PRKG1: variants seen among roughly 807,000 people sequenced by gnomAD.
The protein encoded by PRKG1 is protein kinase cGMP-dependent 1.
Under a neutral mutation model 88.1 loss-of-function variants are expected in PRKG1, and 35 were observed. The ratio of observed to expected loss-of-function variants is 0.40; its 90% CI spans 0.30 to 0.53. PRKG1 has a LOEUF of 0.53. PRKG1 is among the 20% of genes least tolerant of loss of function. The pLI is 0.59. For missense variants in PRKG1, 540 were observed against 839.8 expected (o/e 0.64, Z 4.41); for synonymous variants, 303 against 292.5 (o/e 1.04, Z -0.37).
chr10:51,533,308 A>G (rs375905466), intron 3 of PRKG1, among the ~76,000 whole-genome samples: 5 of 152,228 alleles, frequency 3.3e-5, no homozygotes, highest in East Asian at 3.8e-4. Flanking sequence ...TACATCTGTT[A>G]TAGCCACAGA....
chr10:51,777,295 T>G (rs77359307), intron 3 of PRKG1, among the ~76,000 whole-genome samples: 4,169 of 152,172 alleles, frequency 0.027, 174 homozygotes, highest in African/African-American at 0.094. Context: ...GACATTCAGA[T>G]TGGTTATAAA....
At chr10:52,171,546 A>C (rs188134990) in intron 9 of PRKG1, among the ~76,000 whole-genome samples, 81 of 152,250 alleles carry the variant, frequency 5.3e-4, no homozygotes, top group South Asian at 6.2e-4. Flanking sequence ...CAGTCTTTCA[A>C]GAGCTGTTTT....
At chr10:52,145,726 G>T (rs548430304) in intron 8 of PRKG1, among the ~76,000 whole-genome samples, 30 of 152,250 alleles carry the variant, frequency 2.0e-4, no homozygotes, top group Admixed American at 8.5e-4. Flanking sequence ...ACACTTGCCT[G>T]GTGAGACAGT....
At chr10:52,066,823 C>T (rs1019491171) in intron 7 of PRKG1, among the ~76,000 whole-genome samples, 5 of 152,198 alleles carry the variant, frequency 3.3e-5, no homozygotes, top group African/African-American at 1.2e-4. Flanking sequence ...ACCATTTCTG[C>T]AAACTCTTTG....
chr10:51,396,753 A>C (rs560866246), intron 2 of PRKG1, among the ~76,000 whole-genome samples: 25 of 152,372 alleles, frequency 1.6e-4, no homozygotes, highest in African/African-American at 5.8e-4. Context: ...TTTGCAAATT[A>C]TAGTATTTTC....
At chr10:51,641,043 A>G (rs1377374869) in intron 3 of PRKG1, among the ~76,000 whole-genome samples, 1 of 134,836 alleles carries the variant, frequency 7.4e-6, no homozygotes, top group African/African-American at 2.5e-5. Context: ...TAGATAAAGA[A>G]ACAAATATAA....
intron 1 of PRKG1, among the ~76,000 whole-genome samples, chr10:51,025,464 A>C (rs1843192475): frequency 9.7e-6 from 1 of 103,188 alleles, no homozygotes; most frequent in Non-Finnish European, 2.5e-5. Flanking sequence ...TCTGCTTTGG[A>C]CACTTGTTGA....
chr10:51,955,684 A>G (rs1473329150), intron 5 of PRKG1, among the ~76,000 whole-genome samples: 1 of 152,158 alleles, frequency 6.6e-6, no homozygotes, highest in African/African-American at 2.4e-5. Context: ...TCTTTTCTGC[A>G]TTATTCATGT....
chr10:51,460,610 T>G (rs1330135743), intron 2 of PRKG1, among the ~76,000 whole-genome samples: 1 of 152,188 alleles, frequency 6.6e-6, no homozygotes, highest in Non-Finnish European at 1.5e-5. Context: ...CCACAAACAC[T>G]TATCTAGTGC....
intron 2 of PRKG1, among the ~76,000 whole-genome samples, chr10:51,417,455 G>T (rs1017512827): frequency 6.6e-6 from 1 of 152,168 alleles, no homozygotes; most frequent in Non-Finnish European, 1.5e-5. Context: ...CAGCTTGTTG[G>T]AGGCTCTGTA....
At chr10:51,127,333 T>C (rs1038805939) in intron 1 of PRKG1, among the ~76,000 whole-genome samples, 1 of 152,056 alleles carries the variant, frequency 6.6e-6, no homozygotes, top group African/African-American at 2.4e-5. Context: ...GAAGACATAT[T>C]TGTTGCCAAG....
chr10:51,413,369 T>C (rs10997442), intron 2 of PRKG1, among the ~76,000 whole-genome samples: 3 of 152,038 alleles, frequency 2.0e-5, no homozygotes, highest in African/African-American at 7.2e-5. Flanking sequence ...TTTGTTTGTT[T>C]GTTTGTTTTT....
At chr10:51,968,820 C>CAAAAAAAAAAAAAAAAA (rs56810665) in intron 5 of PRKG1, among the ~76,000 whole-genome samples, 13 of 105,424 alleles carry the variant, frequency 1.2e-4, no homozygotes, top group Non-Finnish European at 1.9e-4. Flanking sequence ...AAAACTCCAT[C>CAAAAAAAAAAAAAAAAA]AAAAAAAAAA....
Position 51,503,725 on chromosome 10 carries a change from A to G in PRKG1, c.592+35889A>G, listed in dbSNP as rs554719559. The stretch of plus-strand genomic sequence containing the variant: ...CTTTTGCATCTGGGTAAAAATAAAA[A>G]GGTAGGAATGTTTGTAGAGTACTTG... On this transcript the variant is annotated intron_variant, in intron 3 of 17. Transcript: ENST00000373980. Among the ~76,000 whole-genome samples the G allele has an allele frequency of 4.1e-4, 62 of 152,266 alleles. 1 individual carries two copies. Among genetic ancestry groups the G allele is most frequent in the African/African-American group, 1.4e-3 (59 of 41,572 alleles).
At chr10:51,955,727 ATAAAG>A (rs1490059802) in intron 5 of PRKG1, among the ~76,000 whole-genome samples, 2 of 152,202 alleles carry the variant, frequency 1.3e-5, no homozygotes, top group African/African-American at 2.4e-5. Flanking sequence ...TACATGGTTA[ATAAAG>A]TAGAGAATGA....
intron 3 of PRKG1, among the ~76,000 whole-genome samples, chr10:51,645,181 T>C (rs975296824): frequency 6.6e-6 from 1 of 152,214 alleles, no homozygotes; most frequent in Admixed American, 6.5e-5. Flanking sequence ...TGTTTATCTT[T>C]TTCCCTTATG....
In PRKG1 at chr10:51,412,215, A is replaced by AGAGAG. The variant is rs1564483266; in HGVS notation, c.479-55508_479-55507insGAGAG. Among the ~76,000 whole-genome samples the AGAGAG allele has an allele frequency of 1.1e-3, 138 of 120,234 alleles. 2 individuals are homozygous for AGAGAG. Among genetic ancestry groups the AGAGAG allele is most frequent in the African/African-American group, 3.9e-3 (97 of 24,984 alleles). 78.9% of individuals were successfully genotyped at this position (120,234 alleles called of 152,430 possible). ...AGAGAGAGAGAGAGAGAGAGAGAGA[A>AGAGAG]AGAAAGAGAGAAAGAATTGTTCAGA... On this transcript the variant is annotated intron_variant, in intron 2 of 17. Transcript: ENST00000373980.
At chr10:52,187,398 G>A (rs1276347429) in intron 9 of PRKG1, among the ~76,000 whole-genome samples, 1 of 151,466 alleles carries the variant, frequency 6.6e-6, no homozygotes, top group Non-Finnish European at 1.5e-5. Flanking sequence ...ACACAAAAGA[G>A]ATTTTAGGTA....
intron 3 of PRKG1, among the ~76,000 whole-genome samples, chr10:51,556,594 A>G (rs1241542954): frequency 6.6e-6 from 1 of 152,056 alleles, no homozygotes; most frequent in Non-Finnish European, 1.5e-5. Context: ...GCTGGAGGCC[A>G]TTATCCTAAG....
Sources: gnomAD v4.1 joint callset for allele counts (sites outside exome capture counted in the v4.1 genomes callset) on GRCh38, gnomAD v4.1.1 for gene constraint, MANE v1.5 for transcripts, NCBI Gene and HGNC (gene_info 2026-07-23, HGNC 2026-07-21) for gene names.